The following DOCK3 variants were observed in gnomAD, a reference collection of about 807,000 sequenced individuals.
The protein encoded by DOCK3 is dedicator of cytokinesis 3, also known as dedicator of cytokinesis protein 3.
In DOCK3, 60 loss-of-function variants were observed where a neutral mutation model predicts 265.6. That is an observed-to-expected ratio of 0.23 (90% confidence interval 0.18 to 0.28). DOCK3 has a LOEUF of 0.28. Among genes scored for constraint, DOCK3 ranks in the 10% least tolerant of loss-of-function variants. The pLI is 1.00. For synonymous variants in DOCK3, 881 were observed against 938.0 expected (o/e 0.94, Z 1.11); for missense variants, 1,981 against 2,594.3 (o/e 0.76, Z 5.14).
At chr3:50,919,695 G>A (rs138004664) in intron 4 of DOCK3, among the ~76,000 whole-genome samples, 3,079 of 152,240 alleles carry the variant, frequency 0.02, 126 homozygotes, top group African/African-American at 0.071. Flanking sequence ...GTCATCTGCA[G>A]ACAGGGACAA....
intron 1 of DOCK3, among the ~76,000 whole-genome samples, chr3:50,755,847 C>CT (rs2040127480): frequency 6.6e-6 from 1 of 152,084 alleles, no homozygotes; most frequent in East Asian, 1.9e-4. Flanking sequence ...GTATTTTATT[C>CT]TTTTTCTAGA....
At chr3:50,908,866 C>CT (rs1476714644) in intron 4 of DOCK3, among the ~76,000 whole-genome samples, 1 of 152,062 alleles carries the variant, frequency 6.6e-6, no homozygotes, top group African/African-American at 2.4e-5. Context: ...TTGTAGGTCT[C>CT]TAAGAGCTTG....
chr3:51,285,271 A>T (rs1196520345), intron 27 of DOCK3, among the ~76,000 whole-genome samples: 2 of 152,160 alleles, frequency 1.3e-5, no homozygotes, highest in Non-Finnish European at 2.9e-5. Flanking sequence ...ATATGCAGAA[A>T]TGAACCACAG....
rs1444702282 is a variant in DOCK3 at position 51,249,493 on chromosome 3, G to A, written c.2184+2686G>A. Among the ~76,000 whole-genome samples the A allele has an allele frequency of 7.1e-5, 7 of 98,480 alleles. 1 individual carries two copies. Among genetic ancestry groups the A allele is most frequent in the Non-Finnish European group, 1.5e-4 (7 of 46,662 alleles). 64.6% of individuals were successfully genotyped at this position (98,480 alleles called of 152,430 possible). A position where few individuals can be genotyped will look rare whatever the true frequency, so the allele number is the denominator to read the frequency against. ...CTGCCCAGCCAGCCGCCCCATCCGG[G>A]AGGGAGGTGGGGGGGTCAGCTCCCC... On this transcript the variant is annotated intron_variant, in intron 22 of 52. Coordinates refer to ENST00000266037, the MANE Select transcript of DOCK3 (RefSeq NM_004947.5).
At chr3:50,745,415 A>G (rs561328096) in intron 1 of DOCK3, among the ~76,000 whole-genome samples, 2 of 152,330 alleles carry the variant, frequency 1.3e-5, no homozygotes, top group East Asian at 3.9e-4. Flanking sequence ...TTTTAACAAT[A>G]AGTCTTCCAA....
At chr3:50,790,938 C>G (rs1229642674) in intron 2 of DOCK3, among the ~76,000 whole-genome samples, 1 of 103,438 alleles carries the variant, frequency 9.7e-6, no homozygotes, top group Non-Finnish European at 2.0e-5. Flanking sequence ...CTGTTCATGT[C>G]CTTTGCCCAC....
intron 1 of DOCK3, among the ~76,000 whole-genome samples, chr3:50,707,009 G>T (rs952403476): frequency 6.6e-6 from 1 of 152,024 alleles, no homozygotes; most frequent in Non-Finnish European, 1.5e-5. Context: ...GTGAGATCTG[G>T]TTGTTTAAAA....
At position 50,783,337 on chromosome 3, in the gene DOCK3, CT is replaced by C. The variant is rs563080520; in HGVS notation, c.121+4589del. Among the ~76,000 whole-genome samples, 52 of 149,114 alleles carry C rather than the reference CT, an allele frequency of 3.5e-4. 1 individual carries two copies. The highest frequency in any genetic ancestry group is 1.3e-3 in the Admixed American group (20 of 14,930). ...CTTTTCACCACATCCGTGCCAATAT[CT>C]TTTTTTTTTATTTTTAAATTATGAT... On this transcript the variant is annotated intron_variant, in intron 2 of 52. Transcript: ENST00000266037.
At position 50,675,206 on chromosome 3, in the gene DOCK3, C is replaced by T; in HGVS notation, c.-58C>T. On this transcript the variant is annotated 5_prime_UTR_variant, in exon 1 of 53. Coordinates refer to ENST00000266037, the MANE Select transcript of DOCK3 (RefSeq NM_004947.5). This position sits in a 1 kb window ranked among gnomAD's most constrained non-coding sequence, Gnocchi z 6.1. ...GGTGCGCCACAGCCGGGCCCGCGGC[C>T]GTCCCCGCCGCGTTGTCGCCCGGTC... 1 of 1,079,690 alleles carries T rather than the reference C, an allele frequency of 9.3e-7. No individual in the cohort carries two copies. The highest frequency in any genetic ancestry group is 1.1e-6 in the Non-Finnish European group (1 of 883,856). The allele number at this position is 1,079,690 out of a possible 1,614,324, so 66.9% of individuals were successfully genotyped here.
chr3:50,994,390 G>A (rs895862447), intron 5 of DOCK3, among the ~76,000 whole-genome samples: 6 of 152,076 alleles, frequency 3.9e-5, no homozygotes, highest in African/African-American at 1.4e-4. Flanking sequence ...TTCAGTAAAG[G>A]AAACTCTGAC....
intron 1 of DOCK3, among the ~76,000 whole-genome samples, chr3:50,746,127 T>TTTTA (rs35955248): frequency 6.6e-6 from 1 of 151,138 alleles, no homozygotes; most frequent in Admixed American, 6.6e-5. Flanking sequence ...TTTTTTTTTT[T>TTTTA]GAGACAGAGT....
chr3:51,007,684 A>G (rs2078740377), intron 5 of DOCK3, among the ~76,000 whole-genome samples: 1 of 152,080 alleles, frequency 6.6e-6, no homozygotes, highest in Non-Finnish European at 1.5e-5. Flanking sequence ...TTTAGTCATG[A>G]AGTCCTTGCC....
chr3:51,060,751 A>T (rs2081381272), intron 5 of DOCK3, among the ~76,000 whole-genome samples: 2 of 152,170 alleles, frequency 1.3e-5, no homozygotes, highest in Admixed American at 6.6e-5. Flanking sequence ...CCATTGGTCT[A>T]TATCTCTGTT....
intron 49 of DOCK3, among the ~76,000 whole-genome samples, chr3:51,367,514 T>C (rs2087296446): frequency 6.6e-6 from 1 of 152,246 alleles, no homozygotes; most frequent in Non-Finnish European, 1.5e-5. Context: ...TTGTTATGTG[T>C]GAATTTGATC....
chr3:51,375,886 T>TCG, intron 51 of DOCK3, 51 bp downstream of exon 51: 1 of 1,596,514 alleles, frequency 6.3e-7, no homozygotes, highest in South Asian at 1.1e-5. Flanking sequence ...ATCCTGAGTG[T>TCG]CTGACTCTTG....
intron 1 of DOCK3, among the ~76,000 whole-genome samples, chr3:50,757,463 C>T (rs1409749057): frequency 2.0e-5 from 3 of 151,838 alleles, no homozygotes; most frequent in East Asian, 1.9e-4. Context: ...TGAGCCACTG[C>T]GCCTGGCTCA....
intron 27 of DOCK3, among the ~76,000 whole-genome samples, chr3:51,287,233 A>C (rs1014878515): frequency 7.9e-5 from 12 of 152,252 alleles, no homozygotes; most frequent in African/African-American, 2.7e-4. Context: ...CACTGGAGAA[A>C]TACAAATGAA....
chr3:51,157,703 G>A (rs1461022235), intron 10 of DOCK3, among the ~76,000 whole-genome samples: 1 of 151,608 alleles, frequency 6.6e-6, no homozygotes, highest in Non-Finnish European at 1.5e-5. Context: ...CCTCACACTA[G>A]TGCTAACCCT....
chr3:50,702,084 TTATTC>T (rs1259929823), intron 1 of DOCK3, among the ~76,000 whole-genome samples: 6 of 152,210 alleles, frequency 3.9e-5, no homozygotes, highest in African/African-American at 1.4e-4. Context: ...TTTAGATTGT[TTATTC>T]TATTTCTGTG....
Sources: gnomAD v4.1 joint callset for allele counts (sites outside exome capture counted in the v4.1 genomes callset) on GRCh38, gnomAD v4.1.1 for gene constraint, Gnocchi (gnomAD v3.1) non-coding constraint, MANE v1.5 for transcripts, NCBI Gene and HGNC (gene_info 2026-07-23, HGNC 2026-07-21) for gene names.